Variants in ARX observed in about 807,000 individuals in gnomAD.
ARX encodes aristaless related homeobox, also known as homeobox protein ARX.
In ARX, 1 loss-of-function variant was observed where a neutral mutation model predicts 23.1. The observed-to-expected ratio is 0.04, with a 90% confidence interval of 0.02 to 0.21. ARX has a LOEUF of 0.21. Ranked by LOEUF, ARX falls within the 10% of genes least tolerant of loss-of-function variation. ARX has a pLI of 1.00. For missense variants in ARX, 380 were observed against 527.5 expected (o/e 0.72, Z 2.74); for synonymous variants, 301 against 270.1 (o/e 1.11, Z -1.12).
At chrX:25,008,021 C>T (rs1407005318) in intron 3 of ARX, among the ~76,000 whole-genome samples, 1 of 111,868 alleles carries the variant, frequency 8.9e-6, no homozygotes, top group Admixed American at 9.4e-5. Flanking sequence ...AAAATTCTTG[C>T]TCTGTATGGA....
intron 1 of ARX, 83 bp from the exon 2 acceptor site, chrX:25,013,881 C>A: frequency 1.2e-6 from 1 of 861,136 alleles, no homozygotes; most frequent in Non-Finnish European, 1.4e-6. Flanking sequence ...CCCGCAGTTG[C>A]TCCCCCAGTG....
Position 25,015,746 on chromosome X carries a change from CT to C in ARX, c.-10del, listed in dbSNP as rs779928207. The C allele has an allele frequency of 3.3e-5, 39 of 1,189,615 alleles. No homozygotes were observed. Among genetic ancestry groups the C allele is most frequent in the Non-Finnish European group, 4.1e-5 (36 of 882,698 alleles). Reference sequence around the variant, plus strand: ...TGGTACTGATTGCTCATGGCTGGGGCTTTTTCCCAGGGCGCAGAGAGCGGAT... The same window carrying C: ...TGGTACTGATTGCTCATGGCTGGGGCTTTTCCCAGGGCGCAGAGAGCGGAT... On this transcript the variant is annotated 5_prime_UTR_variant, in exon 1 of 5. Transcript: ENST00000379044.
intron 1 of ARX, 61 bp downstream of exon 1, chrX:25,015,481 C>A (rs978081798): frequency 6.0e-6 from 7 of 1,165,990 alleles, no homozygotes; most frequent in Non-Finnish European, 5.8e-6. Flanking sequence ...GGCCCCCGAA[C>A]ACCAAACATC....
chrX:25,010,194 C>CAAA, intron 3 of ARX, 66 bp downstream of exon 3: 5 of 1,109,920 alleles, frequency 4.5e-6, no homozygotes, highest in African/African-American at 1.8e-5. Flanking sequence ...GCCACCAACC[C>CAAA]ATCTCTCTCT....
intron 4 of ARX, among the ~76,000 whole-genome samples, chrX:25,006,163 CAGAA>C (rs1388083331): frequency 1.8e-5 from 2 of 112,421 alleles, no homozygotes; most frequent in African/African-American, 6.5e-5. Context: ...AGATTTTTCT[CAGAA>C]AGAAATGATA....
chrX:25,011,043 G>A (rs987778627), intron 2 of ARX, among the ~76,000 whole-genome samples: 1 of 112,174 alleles, frequency 8.9e-6, no homozygotes, highest in Non-Finnish European at 1.9e-5. Flanking sequence ...TTATTACTGC[G>A]ACAATTAAGG....
rs1416162640 is a variant in ARX at position 25,015,705 on chromosome X, G to A, written c.33C>T (p.Ser11=). The A allele has an allele frequency of 3.3e-6, 4 of 1,201,638 alleles. No individual in the cohort carries two copies. The highest frequency in any genetic ancestry group is 4.5e-6 in the Non-Finnish European group (4 of 889,985). Residue 11 remains serine, a synonymous_variant, in exon 1 of 5, where the codon TCC becomes TCT. Coordinates refer to ENST00000379044, the MANE Select transcript of ARX (RefSeq NM_139058.3). ...ATTTACTTTTGCACTCGGGCCTCTC[G>A]GAGCAGCCCTCCTCCTGGTACTGAT... MSNQYQEEGC[S]ERPECKSKSP...
chrX:25,014,751 G>A (rs1454402156), intron 1 of ARX, among the ~76,000 whole-genome samples: 1 of 112,351 alleles, frequency 8.9e-6, no homozygotes, highest in Non-Finnish European at 1.9e-5. Flanking sequence ...TCCAAATTGC[G>A]CTATGGCCGG....
rs1310022652 is a variant in ARX at position 25,013,050 on chromosome X, C to T, written c.945G>A (p.Ala315=). 5.8e-6 allele frequency: 7 copies of T among 1,198,989 alleles called. No individual in the cohort carries two copies. In the South Asian group the frequency reaches 9.1e-5, roughly 16 times the overall value. The change falls in exon 2 of 5, where the codon GCG becomes GCA. Residue 315 remains alanine (A), a synonymous_variant. Coordinates refer to ENST00000379044, the MANE Select transcript of ARX (RefSeq NM_139058.3). ...GCAGCCCCTCCTCCGAGTCGCTGCC[C>T]GCAGAGAGGCACACGCTGTCCTCGC... is the stretch of plus-strand genomic sequence containing the variant. ...KDGEDSVCLS[A]GSDSEEGLLK...
rs1315423792 is a variant in ARX, at chrX:25,013,247, C to T, written c.748G>A (p.Glu250Lys). 17 of 1,155,167 alleles carry T rather than the reference C, an allele frequency of 1.5e-5. No homozygotes were observed. Among genetic ancestry groups the T allele is most frequent in the Non-Finnish European group, 1.8e-5 (16 of 869,208 alleles). The change falls in exon 2 of 5, where the codon GAG (glutamate) becomes AAG (lysine). Residue 250 changes from glutamate (E) to lysine (K), a missense_variant. This residue lies in a region of ARX where 235 missense variants were observed against 270.2 expected (regional missense o/e 0.87). Transcript: ENST00000379044. ...EEELLEDDEE[E>K]LLEDDARALL... is the part of the protein sequence containing the mutation. Reference sequence around the variant, plus strand: ...GCGCGGGCGTCGTCCTCCAGCAGCTCCTCCTCGTCGTCCTCCAGCAGTTCC... The same window carrying T: ...GCGCGGGCGTCGTCCTCCAGCAGCTTCTCCTCGTCGTCCTCCAGCAGTTCC...
chrX:25,009,513 G>C (rs919021188), intron 3 of ARX, among the ~76,000 whole-genome samples: 2 of 111,465 alleles, frequency 1.8e-5, no homozygotes, highest in Admixed American at 9.5e-5. Context: ...CTTTATCAGC[G>C]CTTGATTTTG....
At chrX:25,006,119 GAA>G (rs2048676775) in intron 4 of ARX, 1 of 112,140 alleles carries the variant, frequency 8.9e-6, no homozygotes, top group African/African-American at 3.2e-5. Flanking sequence ...TTGTCAGAGG[GAA>G]AAAGTGGAGG....
intron 1 of ARX, 35 bp from the exon 2 acceptor site, chrX:25,013,833 G>A: frequency 1.1e-6 from 1 of 907,126 alleles, no homozygotes; most frequent in Non-Finnish European, 1.4e-6. Flanking sequence ...CCAGCCGGCC[G>A]GCCGGGGAGT....
rs995304023 is a variant in ARX, at chrX:25,015,835, C to T, written c.-98G>A. 3 of 874,143 alleles carry T rather than the reference C, an allele frequency of 3.4e-6. No individual in the cohort carries two copies. Among genetic ancestry groups the T allele is most frequent in the Non-Finnish European group, 4.9e-6 (3 of 609,985 alleles). The allele number at this position is 874,143 out of a possible 1,213,427, so 72.0% of individuals were successfully genotyped here. A position where few individuals can be genotyped will look rare whatever the true frequency, so the allele number is the denominator to read the frequency against. Reference sequence around the variant, plus strand: ...GTGTGTTGGGGGTGGGGTTAGATAGCGGGTTATAACGGATATTATTGCGAT... The same window carrying T: ...GTGTGTTGGGGGTGGGGTTAGATAGTGGGTTATAACGGATATTATTGCGAT... On this transcript the variant is annotated 5_prime_UTR_variant, in exon 1 of 5. Transcript: ENST00000379044.
In ARX at chrX:25,013,139, C is replaced by T. The variant is rs28935479; in HGVS notation, c.856G>A (p.Gly286Ser). ...AAAAAAVATE[G>S]GELSPKEELL... ...TCCTCCTTGGGTGACAGCTCCCCGC[C>T]CTCTGTGGCCACTGCAGCGGCAGCT... Residue 286 changes from glycine to serine, a missense_variant, in exon 2 of 5, where the codon GGC (glycine) becomes AGC (serine). Transcript: ENST00000379044. 16 of 1,200,772 alleles carry T rather than the reference C, an allele frequency of 1.3e-5. No individual in the cohort carries two copies. Among genetic ancestry groups the T allele is most frequent in the Non-Finnish European group, 1.8e-5 (16 of 890,927 alleles).
At chrX:25,011,404 C>T (rs958874073) in intron 2 of ARX, among the ~76,000 whole-genome samples, 8 of 112,417 alleles carry the variant, frequency 7.1e-5, no homozygotes, top group African/African-American at 2.6e-4. Context: ...TGCCCCTCCT[C>T]GTGCACTTCG....
chrX:25,009,790 A>C (rs1197848641), intron 3 of ARX, among the ~76,000 whole-genome samples: 1 of 112,222 alleles, frequency 8.9e-6, no homozygotes, highest in Non-Finnish European at 1.9e-5. Context: ...TTTTGCCTTC[A>C]AATGGCCCTG....
In ARX at chrX:25,013,120, T is replaced by G; in HGVS notation, c.875A>C (p.Lys292Thr). 8.3e-7 allele frequency: 1 copy of G among 1,202,819 alleles called. No individual in the cohort carries two copies. The highest frequency in any genetic ancestry group is 1.1e-6 in the Non-Finnish European group (1 of 891,683). ...VATEGGELSPKEELLLHPEDA... is the reference protein window; with the variant it reads ...VATEGGELSPTEELLLHPEDA... ...TTCCGGGTGCAGCAGCAGCTCCTCCTTGGGTGACAGCTCCCCGCCCTCTGT... is the reference window on the plus strand; with the variant it reads ...TTCCGGGTGCAGCAGCAGCTCCTCCGTGGGTGACAGCTCCCCGCCCTCTGT... The change falls in exon 2 of 5, where the codon AAG becomes ACG. Residue 292 changes from lysine (K) to threonine (T), a missense_variant. Around this residue, in one of 3 missense-constraint regions of ARX, gnomAD observed 235 missense variants for 270.2 expected, o/e 0.87. Coordinates refer to ENST00000379044, the MANE Select transcript of ARX (RefSeq NM_139058.3).
In ARX at chrX:25,007,161, G is replaced by C. The variant is rs1274081833; in HGVS notation, c.1398C>G (p.Leu466=). 1 of 1,200,824 alleles carries C rather than the reference G, an allele frequency of 8.3e-7. No individual in the cohort carries two copies. The highest frequency in any genetic ancestry group is 1.7e-5 in the African/African-American group (1 of 57,385). Residue 466 remains leucine, a synonymous_variant, in exon 4 of 5, where the codon CTC becomes CTG. Transcript: ENST00000379044. The part of the protein sequence containing the change: ...SGAPLGLSTF[L]GAAVFRHPAF... The stretch of plus-strand genomic sequence containing the variant: ...CTGGGTGTCGGAACACTGCCGCTCC[G>C]AGGAAAGTGCTCAGGCCCAGCGGCG...
Sources: gnomAD v4.1 joint callset for allele counts (sites outside exome capture counted in the v4.1 genomes callset) on GRCh38, gnomAD v4.1.1 for gene constraint, gnomAD v4.1.1 regional missense constraint, MANE v1.5 for transcripts, NCBI Gene and HGNC (gene_info 2026-07-23, HGNC 2026-07-21) for gene names.